Variants in PIK3AP1 observed in about 807,000 individuals in gnomAD.
The protein encoded by PIK3AP1 is phosphoinositide-3-kinase adaptor protein 1.
PIK3AP1 carries 21 observed loss-of-function variants against 88.1 expected under a neutral mutation model. The observed-to-expected ratio is 0.24, with a 90% CI of 0.17 to 0.34. The LOEUF (loss-of-function observed/expected upper bound fraction) is 0.34. Among genes scored for constraint, PIK3AP1 ranks in the 10% least tolerant of loss-of-function variants. PIK3AP1 has a pLI of 1.00. For missense variants in PIK3AP1, 828 were observed against 1,035.7 expected (o/e 0.80, Z 2.75); for synonymous variants, 398 against 400.0 (o/e 1.00, Z 0.06).
rs33921990 is a variant in PIK3AP1 at position 96,629,714 on chromosome 10, C to CAAAA, written c.1376-1225_1376-1222dup. Among the ~76,000 whole-genome samples the CAAAA allele has an allele frequency of 8.8e-3, 627 of 71,582 alleles. 32 individuals carry two copies. Among genetic ancestry groups the CAAAA allele is most frequent in the African/African-American group, 0.036 (583 of 16,374 alleles). The allele number at this position is 71,582 out of a possible 152,430, so 47.0% of individuals were successfully genotyped here. A position where few individuals can be genotyped will look rare whatever the true frequency, so the allele number is the denominator to read the frequency against. ...GCAACACAGTGAGACCCCATCTCTA[C>CAAAA]AAAAAAAAAAAAAAAAAAAGACAGA... On this transcript the variant is annotated intron_variant, in intron 8 of 16. Transcript: ENST00000339364.
At chr10:96,640,661 T>C (rs2134222959) in intron 8 of PIK3AP1, among the ~76,000 whole-genome samples, 1 of 150,536 alleles carries the variant, frequency 6.6e-6, no homozygotes, top group Non-Finnish European at 1.5e-5. Flanking sequence ...TGTGGGGTCT[T>C]TTTTTTTTAA....
At chr10:96,700,277 T>C (rs1297218630) in intron 2 of PIK3AP1, among the ~76,000 whole-genome samples, 3 of 152,178 alleles carry the variant, frequency 2.0e-5, no homozygotes, top group Admixed American at 2.0e-4. Context: ...CACCGAGATC[T>C]CTCGGCTTTG....
intron 16 of PIK3AP1, among the ~76,000 whole-genome samples, chr10:96,598,630 C>G (rs768295905): frequency 1.3e-5 from 2 of 152,090 alleles, no homozygotes; most frequent in Non-Finnish European, 2.9e-5. Context: ...ACACAAGGGT[C>G]GCAACACAGA....
intron 13 of PIK3AP1, among the ~76,000 whole-genome samples, chr10:96,613,429 G>A (rs913660988): frequency 2.0e-5 from 3 of 152,120 alleles, no homozygotes; most frequent in Non-Finnish European, 2.9e-5. Flanking sequence ...ATTGCTTGCC[G>A]TCCCCGGTCA....
intron 2 of PIK3AP1, among the ~76,000 whole-genome samples, chr10:96,679,999 C>T (rs1418604122): frequency 1.3e-5 from 2 of 152,144 alleles, no homozygotes; most frequent in Non-Finnish European, 2.9e-5. Context: ...ATGGGACTCC[C>T]ACTATCATGT....
chr10:96,609,008 TC>T (rs895577529), intron 14 of PIK3AP1, among the ~76,000 whole-genome samples: 3 of 152,254 alleles, frequency 2.0e-5, no homozygotes, highest in Non-Finnish European at 2.9e-5. Context: ...AGCCCTCGGC[TC>T]CTGCCTGATG....
At chr10:96,632,751 T>C (rs1843261033) in intron 8 of PIK3AP1, 1 of 1,070,496 alleles carries the variant, frequency 9.3e-7, no homozygotes, top group East Asian at 2.7e-5. Flanking sequence ...TCTCACAGGA[T>C]GATTAGAAGC....
chr10:96,620,681 G>C (rs368812930), intron 11 of PIK3AP1, 124 bp from the exon 12 acceptor site: 2 of 742,114 alleles, frequency 2.7e-6, no homozygotes, highest in East Asian at 2.7e-5. Context: ...AATTACATGT[G>C]GCCAAGAAGG....
intron 2 of PIK3AP1, among the ~76,000 whole-genome samples, chr10:96,690,435 T>A (rs201173948): frequency 1.7e-5 from 2 of 116,956 alleles, no homozygotes; most frequent in Admixed American, 9.3e-5. Context: ...GCTAATTTTT[T>A]ATTTTTTTTG....
chr10:96,680,970 C>T (rs183177181), intron 2 of PIK3AP1, among the ~76,000 whole-genome samples: 2 of 152,204 alleles, frequency 1.3e-5, no homozygotes, highest in Non-Finnish European at 2.9e-5. Context: ...GAGTGTTATC[C>T]ATCAATAAAT....
intron 14 of PIK3AP1, among the ~76,000 whole-genome samples, chr10:96,606,768 T>C (rs1554952552): frequency 6.6e-6 from 1 of 152,248 alleles, no homozygotes; most frequent in Non-Finnish European, 1.5e-5. Context: ...AAAGACAGGC[T>C]CTGGTTCTTT....
intron 2 of PIK3AP1, among the ~76,000 whole-genome samples, chr10:96,687,613 G>A (rs926269325): frequency 5.3e-5 from 8 of 151,956 alleles, no homozygotes; most frequent in East Asian, 1.9e-4. Context: ...TTCTTGTCCC[G>A]CTTTCTCTAT....
In PIK3AP1 at chr10:96,651,258, A is replaced by G. The variant is rs748647762; in HGVS notation, c.978T>C (p.Asp326=). 6.8e-6 allele frequency: 11 copies of G among 1,614,206 alleles called. No individual in the cohort carries two copies. The highest frequency in any genetic ancestry group is 6.6e-5 in the South Asian group (6 of 91,078). ...LFGINQLEEE[D]MMTNQRDEEL... is the part of the protein sequence containing the mutation. ...TGACTGTCAACTTACTTGTCATCATATCTTCTTCTTCCAGCTGGTTGATTC... is the reference window on the plus strand; with the variant it reads ...TGACTGTCAACTTACTTGTCATCATGTCTTCTTCTTCCAGCTGGTTGATTC... Residue 326 remains aspartate, a synonymous_variant, in exon 6 of 17, where the codon GAT becomes GAC. Transcript: ENST00000339364.
chr10:96,717,051 C>T (rs913434464), intron 1 of PIK3AP1, among the ~76,000 whole-genome samples: 4 of 151,972 alleles, frequency 2.6e-5, no homozygotes, highest in Admixed American at 6.6e-5. Context: ...CACTTGAGGC[C>T]AGGAGTTCAA....
Position 96,645,531 on chromosome 10 carries a change from A to G in PIK3AP1, c.1317T>C (p.Cys439=). The change falls in exon 8 of 17, where the codon TGT becomes TGC. Residue 439 remains cysteine (C), a synonymous_variant. Coordinates refer to ENST00000339364, the MANE Select transcript of PIK3AP1 (RefSeq NM_152309.3). ...CCATGGACTCATAGAGATCCTCGTC[A>G]CAGCCGGGGTTGAGCGAGCATTTCA... ...LLMKCSLNPG[C]DEDLYESMAA... 1 of 1,614,048 alleles carries G rather than the reference A, an allele frequency of 6.2e-7. No individual in the cohort carries two copies. The highest frequency in any genetic ancestry group is 1.1e-5 in the South Asian group (1 of 91,070).
rs1371285413 is a variant in PIK3AP1 at position 96,616,104 on chromosome 10, T to C, written c.2014+535A>G. ...CCACATGGCTGGCACAGGGGTAGGC[T>C]TAAGGGGAGCGGGGGCCCAGTCCAT... On this transcript the variant is annotated intron_variant, in intron 13 of 16. Transcript: ENST00000339364. 2.6e-5 allele frequency among the ~76,000 whole-genome samples: 4 copies of C among 152,196 alleles called. No homozygotes were observed. The East Asian group carries it at 7.7e-4, about 29-fold the overall frequency.
At chr10:96,637,314 T>TCACACACACACACACA (rs55885337) in intron 8 of PIK3AP1, among the ~76,000 whole-genome samples, 8 of 127,998 alleles carry the variant, frequency 6.3e-5, no homozygotes, top group African/African-American at 2.0e-4. Context: ...AGATATACAA[T>TCACACACACACACACA]CACACACACA....
intron 2 of PIK3AP1, among the ~76,000 whole-genome samples, chr10:96,688,256 C>T (rs1356456531): frequency 6.6e-6 from 1 of 152,116 alleles, no homozygotes; most frequent in African/African-American, 2.4e-5. Flanking sequence ...AACACACCAC[C>T]TGAGCCCTCT....
intron 12 of PIK3AP1, among the ~76,000 whole-genome samples, chr10:96,619,719 G>A (rs1589492721): frequency 6.6e-6 from 1 of 152,194 alleles, no homozygotes; most frequent in African/African-American, 2.4e-5. Context: ...AACTATACAG[G>A]TAGAGCAAGA....
Sources: allele counts gnomAD v4.1 joint callset (sites outside exome capture counted in the v4.1 genomes callset), GRCh38; gene constraint gnomAD v4.1.1; transcripts MANE v1.5; gene names NCBI Gene and HGNC (gene_info 2026-07-23, HGNC 2026-07-21).